The following CADPS2 variants were observed in gnomAD, a reference collection of about 807,000 sequenced individuals.
CADPS2 encodes calcium-dependent secretion activator 2.
Under a neutral mutation model 172.5 loss-of-function variants are expected in CADPS2, and 93 were observed. That is an observed-to-expected ratio of 0.54 (90% CI 0.46 to 0.64). CADPS2 has a LOEUF of 0.64. Ranked by LOEUF, CADPS2 falls within the 30% of genes least tolerant of loss-of-function variation. CADPS2 has a pLI of 0.00. For missense variants in CADPS2, 1,420 were observed against 1,565.9 expected (o/e 0.91, Z 1.57); for synonymous variants, 546 against 555.2 (o/e 0.98, Z 0.23).
At chr7:122,609,057 T>C (rs2073965454) in intron 6 of CADPS2, among the ~76,000 whole-genome samples, 1 of 152,044 alleles carries the variant, frequency 6.6e-6, no homozygotes, top group Non-Finnish European at 1.5e-5. Context: ...AGAGGTTCGA[T>C]ATCATGCTAA....
At chr7:122,412,055 T>A (rs1244574708) in intron 19 of CADPS2, among the ~76,000 whole-genome samples, 1 of 152,216 alleles carries the variant, frequency 6.6e-6, no homozygotes. Flanking sequence ...TGCAATTGGT[T>A]TTGACAGTCA....
chr7:122,321,226 G>A (rs1044371014), intron 29 of CADPS2, among the ~76,000 whole-genome samples: 2 of 152,288 alleles, frequency 1.3e-5, no homozygotes, highest in South Asian at 4.1e-4. Context: ...GAGTACAGCG[G>A]TGTGATCATT....
At chr7:122,658,158 A>T (rs1355841478) in intron 3 of CADPS2, among the ~76,000 whole-genome samples, 1 of 152,208 alleles carries the variant, frequency 6.6e-6, no homozygotes, top group African/African-American at 2.4e-5. Flanking sequence ...ATCACTGGCC[A>T]TCAGAGAAAT....
chr7:122,379,318 A>G (rs1413640788), intron 25 of CADPS2, 50 bp downstream of exon 25: 3 of 1,180,990 alleles, frequency 2.5e-6, no homozygotes, highest in South Asian at 2.9e-5. Flanking sequence ...AAAATTCTCC[A>G]TTGACAATTT....
At chr7:122,473,809 A>G (rs2056283084) in intron 13 of CADPS2, among the ~76,000 whole-genome samples, 1 of 152,196 alleles carries the variant, frequency 6.6e-6, no homozygotes, top group Non-Finnish European at 1.5e-5. Context: ...CATACCAGGA[A>G]ACAGTTTACT....
intron 13 of CADPS2, among the ~76,000 whole-genome samples, chr7:122,472,762 T>C (rs2056146205): frequency 6.6e-6 from 1 of 152,196 alleles, no homozygotes; most frequent in Non-Finnish European, 1.5e-5. Flanking sequence ...TTACTCTCCA[T>C]GTGATTGTAA....
At chr7:122,703,031 C>T (rs1467051328) in intron 2 of CADPS2, 2 of 356,584 alleles carry the variant, frequency 5.6e-6, no homozygotes, top group Non-Finnish European at 1.0e-5. Context: ...GGTAGTTAAA[C>T]CAATCCAAGA....
At chr7:122,595,276 TA>T (rs1432924425) in intron 6 of CADPS2, among the ~76,000 whole-genome samples, 1 of 152,028 alleles carries the variant, frequency 6.6e-6, no homozygotes, top group Non-Finnish European at 1.5e-5. Flanking sequence ...TAATTATCAC[TA>T]GGTAATCAGT....
Position 122,388,579 on chromosome 7 carries a change from C to CT in CADPS2, c.3164+3dup. The CT allele has an allele frequency of 6.4e-7, 1 of 1,574,438 alleles. No individual in the cohort carries two copies. The highest frequency in any genetic ancestry group is 8.6e-7 in the Non-Finnish European group (1 of 1,157,130). ...TAAGCAGCAATTTGAAAATACATGTCTACCTTTTGACACAGGCCTCTAGCA... is the reference window on the plus strand; with the variant it reads ...TAAGCAGCAATTTGAAAATACATGTCTTACCTTTTGACACAGGCCTCTAGCA... On this transcript the variant is annotated splice_donor_region_variant and intron_variant, in intron 23 of 29. Transcript: ENST00000449022.
At chr7:122,831,614 G>A (rs1006819257) in intron 1 of CADPS2, among the ~76,000 whole-genome samples, 3 of 152,148 alleles carry the variant, frequency 2.0e-5, no homozygotes, top group East Asian at 1.9e-4. Context: ...AATTTCAACC[G>A]CCTGAACCTC....
intron 1 of CADPS2, among the ~76,000 whole-genome samples, chr7:122,874,443 A>G (rs1820671503): frequency 6.6e-6 from 1 of 152,234 alleles, no homozygotes; most frequent in Non-Finnish European, 1.5e-5. Context: ...AATACCATGA[A>G]AATGGCCACA....
intron 7 of CADPS2, 55 bp downstream of exon 7, chr7:122,581,124 A>C: frequency 1.6e-6 from 2 of 1,261,040 alleles, no homozygotes; most frequent in South Asian, 2.4e-5. Flanking sequence ...TTAATCATGA[A>C]TCCAAAGAAG....
intron 25 of CADPS2, among the ~76,000 whole-genome samples, chr7:122,364,496 G>A (rs1338117570): frequency 1.3e-5 from 2 of 151,400 alleles, no homozygotes; most frequent in Non-Finnish European, 2.9e-5. Flanking sequence ...GGAGGCTGAG[G>A]TGGGTGGAAC....
chr7:122,539,511 T>TAAAA (rs1220391135), intron 8 of CADPS2, among the ~76,000 whole-genome samples: 1 of 151,950 alleles, frequency 6.6e-6, no homozygotes, highest in Non-Finnish European at 1.5e-5. Flanking sequence ...AGAAATGAAA[T>TAAAA]ATTTAAGTAA....
At chr7:122,716,970 T>G (rs530215400) in intron 2 of CADPS2, among the ~76,000 whole-genome samples, 1 of 152,160 alleles carries the variant, frequency 6.6e-6, no homozygotes, top group Non-Finnish European at 1.5e-5. Context: ...ATTTCAAATG[T>G]TGACAAACTC....
chr7:122,749,501 A>C (rs981740109), intron 1 of CADPS2, among the ~76,000 whole-genome samples: 2 of 152,126 alleles, frequency 1.3e-5, no homozygotes, highest in Non-Finnish European at 2.9e-5. Flanking sequence ...TTTCCCTAAC[A>C]AATAACAAAA....
intron 7 of CADPS2, among the ~76,000 whole-genome samples, chr7:122,575,179 A>G (rs962536659): frequency 1.9e-5 from 2 of 105,686 alleles, no homozygotes; most frequent in African/African-American, 5.0e-5. Context: ...TAATAAAAGT[A>G]AAAAAAAAAG....
chr7:122,775,283 C>T (rs1040651741), intron 1 of CADPS2, among the ~76,000 whole-genome samples: 8 of 152,170 alleles, frequency 5.3e-5, no homozygotes, highest in African/African-American at 1.7e-4. Context: ...GCGTCATAGA[C>T]GCTGACACAA....
At chr7:122,861,810 A>G (rs185695030) in intron 1 of CADPS2, among the ~76,000 whole-genome samples, 6 of 152,368 alleles carry the variant, frequency 3.9e-5, no homozygotes, top group Non-Finnish European at 2.9e-5. Context: ...TTATCTGTCC[A>G]TTCAAAACAA....
Sources: allele counts gnomAD v4.1 joint callset (sites outside exome capture counted in the v4.1 genomes callset), GRCh38; gene constraint gnomAD v4.1.1; transcripts MANE v1.5; gene names NCBI Gene and HGNC (gene_info 2026-07-23, HGNC 2026-07-21).